The following TCEA1 variants were observed in gnomAD, a reference collection of about 807,000 sequenced individuals.
TCEA1 encodes transcription elongation factor A1.
TCEA1 carries 21 observed loss-of-function variants against 43.8 expected under a neutral mutation model. The observed-to-expected ratio is 0.48, with a 90% CI of 0.34 to 0.69. The LOEUF is 0.69. Among genes scored for constraint, TCEA1 ranks in the 30% least tolerant of loss-of-function variants. TCEA1 has a pLI of 0.01. For synonymous variants in TCEA1, 104 were observed against 117.5 expected (o/e 0.88, Z 0.75); for missense variants, 250 against 365.1 (o/e 0.68, Z 2.57).
At chr8:53,984,815 G>A (rs1285922623) in intron 6 of TCEA1, among the ~76,000 whole-genome samples, 2 of 151,974 alleles carry the variant, frequency 1.3e-5, no homozygotes, top group East Asian at 1.9e-4. Context: ...CTGGGAGGCA[G>A]AGGTTGCAGC....
At chr8:53,999,736 T>G (rs1417782661) in intron 3 of TCEA1, 2 of 459,768 alleles carry the variant, frequency 4.4e-6, no homozygotes, top group Non-Finnish European at 7.7e-6. Flanking sequence ...GTGTCAAAAG[T>G]TAAGAAAGCC....
rs757921440 is a variant in TCEA1, at chr8:53,988,161, A to G, written c.419T>C (p.Val140Ala). ...FPRAPSTSDS[V>A]RLKCREMLAA... The stretch of plus-strand genomic sequence containing the variant: ...AAGCATCTCCCTACACTTCAACCGC[A>G]CAGAATCAGAAGTGCTTGGTGCCCG... The change falls in exon 5 of 10, where the codon GTG becomes GCG. Residue 140 changes from valine (V) to alanine (A), a missense_variant. Val to Ala is a moderately conservative substitution (Grantham distance 64). Coordinates refer to ENST00000521604, the MANE Select transcript of TCEA1 (RefSeq NM_006756.4). The G allele has an allele frequency of 1.9e-6, 3 of 1,612,792 alleles. No homozygotes were observed. The highest frequency in any genetic ancestry group is 8.5e-7 in the Non-Finnish European group (1 of 1,179,532).
intron 8 of TCEA1, among the ~76,000 whole-genome samples, chr8:53,976,446 G>A (rs1048100499): frequency 3.3e-5 from 5 of 152,158 alleles, no homozygotes; most frequent in Admixed American, 6.5e-5. Flanking sequence ...TCTTGGGTAC[G>A]TAGTAATCAA....
intron 8 of TCEA1, chr8:53,972,400 A>G: frequency 1.8e-6 from 1 of 555,974 alleles, no homozygotes; most frequent in Non-Finnish European, 3.4e-6. Context: ...ACTAGTTCTG[A>G]AAATGAAGAT....
chr8:54,008,598 G>C (rs1025263125), intron 2 of TCEA1, among the ~76,000 whole-genome samples: 3 of 150,140 alleles, frequency 2.0e-5, no homozygotes, highest in Non-Finnish European at 4.4e-5. Flanking sequence ...CCAGGAGGTG[G>C]AGGCTGCAGT....
intron 8 of TCEA1, among the ~76,000 whole-genome samples, chr8:53,977,120 C>T (rs1474704186): frequency 1.3e-5 from 2 of 152,122 alleles, no homozygotes; most frequent in Non-Finnish European, 2.9e-5. Flanking sequence ...GAGATCGAGA[C>T]CACCCTGGCT....
At chr8:53,999,514 T>G (rs2129308444) in intron 3 of TCEA1, 1 of 157,670 alleles carries the variant, frequency 6.3e-6, no homozygotes, top group South Asian at 2.0e-4. Flanking sequence ...AAATAATTTG[T>G]GTGTGTGCAA....
chr8:54,010,253 T>C (rs1586033672), intron 2 of TCEA1, 177 bp downstream of exon 2: 3 of 554,656 alleles, frequency 5.4e-6, no homozygotes, highest in Non-Finnish European at 9.5e-6. Context: ...GCGACATTGC[T>C]CTATAATGGC....
At chr8:53,996,089 T>C (rs570045967) in intron 3 of TCEA1, among the ~76,000 whole-genome samples, 3 of 152,320 alleles carry the variant, frequency 2.0e-5, no homozygotes, top group South Asian at 2.1e-4. Context: ...GGAAAACTGA[T>C]ATAACAATGA....
intron 3 of TCEA1, chr8:53,999,651 A>G: frequency 3.2e-6 from 1 of 314,152 alleles, no homozygotes; most frequent in Non-Finnish European, 5.8e-6. Context: ...AAAAAATTTC[A>G]AAAACCATTT....
At chr8:53,981,537 C>T (rs148805909) in intron 7 of TCEA1, among the ~76,000 whole-genome samples, 148 of 152,300 alleles carry the variant, frequency 9.7e-4, no homozygotes, top group African/African-American at 3.4e-3. Context: ...CTATTTACAG[C>T]ATGATTTACT....
intron 2 of TCEA1, among the ~76,000 whole-genome samples, chr8:54,004,881 G>C (rs941065262): frequency 6.6e-6 from 1 of 151,992 alleles, no homozygotes; most frequent in African/African-American, 2.4e-5. Context: ...TCAGCATGTG[G>C]AATAATATCT....
intron 1 of TCEA1, among the ~76,000 whole-genome samples, chr8:54,012,962 C>CAAAA (rs72062714): frequency 4.0e-4 from 31 of 76,840 alleles, no homozygotes; most frequent in African/African-American, 1.1e-3. Flanking sequence ...ACGACGACGA[C>CAAAA]AAAAAAAAAA....
At chr8:53,989,756 T>C (rs1039403106) in intron 4 of TCEA1, among the ~76,000 whole-genome samples, 2 of 152,208 alleles carry the variant, frequency 1.3e-5, no homozygotes, top group Non-Finnish European at 2.9e-5. Flanking sequence ...TTATTATTTT[T>C]TTTTTTAAGA....
chr8:54,016,974 G>A lies in TCEA1; in HGVS notation c.63+5089C>T, dbSNP rs1319785240. On this transcript the variant is annotated intron_variant, in intron 1 of 9. Coordinates refer to ENST00000521604, the MANE Select transcript of TCEA1 (RefSeq NM_006756.4). ...GAGCGACAGAGCAAGATGAGACTCCGTCTCAAAAAAAAAAAAAAAAAAAAA... is the reference window on the plus strand; with the variant it reads ...GAGCGACAGAGCAAGATGAGACTCCATCTCAAAAAAAAAAAAAAAAAAAAA... Among the ~76,000 whole-genome samples the A allele has an allele frequency of 2.4e-4, 23 of 97,186 alleles. No individual in the cohort carries two copies. The East Asian group carries it at 7.7e-3, about 33-fold the overall frequency. The allele number at this position is 97,186 out of a possible 152,430, so 63.8% of individuals were successfully genotyped here.
intron 6 of TCEA1, among the ~76,000 whole-genome samples, chr8:53,985,367 C>T (rs1315757042): frequency 6.6e-6 from 1 of 152,182 alleles, no homozygotes; most frequent in Non-Finnish European, 1.5e-5. Flanking sequence ...TGCAAGTCAA[C>T]AGGGTTTCAA....
At chr8:53,968,564 C>A (rs1182981073) in intron 9 of TCEA1, among the ~76,000 whole-genome samples, 3 of 152,124 alleles carry the variant, frequency 2.0e-5, no homozygotes, top group African/African-American at 7.2e-5. Flanking sequence ...GATCCATCAG[C>A]TGGGCACGGT....
intron 8 of TCEA1, chr8:53,972,794 AG>A (rs1345897102): frequency 5.6e-6 from 4 of 720,394 alleles, no homozygotes; most frequent in Admixed American, 3.5e-5. Context: ...CTCCTGAAAC[AG>A]CCAGTAAAAT....
chr8:53,986,953 TAC>T lies in TCEA1; in HGVS notation c.523+14_523+15del, dbSNP rs1213019898. ...TTATTAAAAAAAACAATTATGAATATACACACAAAGGATATCTTCTTCAATTT... is the reference window on the plus strand; with the variant it reads ...TTATTAAAAAAAACAATTATGAATATACACAAAGGATATCTTCTTCAATTT... On this transcript the variant is annotated intron_variant, in intron 6 of 9. Coordinates refer to ENST00000521604, the MANE Select transcript of TCEA1 (RefSeq NM_006756.4). The T allele has an allele frequency of 1.9e-5, 29 of 1,565,446 alleles. No individual in the cohort carries two copies. Among genetic ancestry groups the T allele is most frequent in the African/African-American group, 2.7e-5 (2 of 73,044 alleles).
Sources: allele counts gnomAD v4.1 joint callset (sites outside exome capture counted in the v4.1 genomes callset), GRCh38; gene constraint gnomAD v4.1.1; transcripts MANE v1.5; gene names NCBI Gene and HGNC (gene_info 2026-07-23, HGNC 2026-07-21).